Variants in YAP1 observed in about 807,000 individuals in gnomAD.
The protein encoded by YAP1 is transcriptional coactivator YAP1.
Under a neutral mutation model 56.9 loss-of-function variants are expected in YAP1, and 5 were observed. The ratio of observed to expected loss-of-function variants is 0.09; its 90% CI spans 0.05 to 0.18. The LOEUF is 0.18. YAP1 is among the 10% of genes least tolerant of loss of function. The pLI is 1.00. For missense variants in YAP1, 539 were observed against 651.8 expected (o/e 0.83, Z 1.88); for synonymous variants, 265 against 248.1 (o/e 1.07, Z -0.64).
At position 102,111,066 on chromosome 11, in the gene YAP1, T is replaced by C; in HGVS notation, c.218T>C (p.Met73Thr). The C allele has an allele frequency of 6.2e-7, 1 of 1,613,218 alleles. No homozygotes were observed. Among genetic ancestry groups the C allele is most frequent in the Non-Finnish European group, 8.5e-7 (1 of 1,179,756 alleles). ...CTGGAGGCGCTCTTCAACGCCGTCA[T>C]GAACCCCAAGACGGCCAACGTGCCC... ...TDLEALFNAV[M>T]NPKTANVPQT... The change falls in exon 1 of 9, where the codon ATG becomes ACG. Residue 73 changes from methionine to threonine, a missense_variant. Met to Thr is a moderately conservative substitution (Grantham distance 81). Coordinates refer to ENST00000282441, the MANE Select transcript of YAP1 (RefSeq NM_001130145.3).
chr11:102,164,827 A>G (rs957426881), intron 3 of YAP1, among the ~76,000 whole-genome samples: 1 of 152,108 alleles, frequency 6.6e-6, no homozygotes, highest in Admixed American at 6.5e-5. Context: ...GGTTCAAGTG[A>G]TTCTCTTGCC....
intron 2 of YAP1, among the ~76,000 whole-genome samples, chr11:102,156,247 A>T (rs1945937237): frequency 6.6e-6 from 1 of 152,194 alleles, no homozygotes; most frequent in Non-Finnish European, 1.5e-5. Context: ...AAGAGGTTGA[A>T]TTGCTATTTT....
At chr11:102,183,207 A>G (rs1245237318) in intron 3 of YAP1, among the ~76,000 whole-genome samples, 2 of 152,194 alleles carry the variant, frequency 1.3e-5, no homozygotes, top group African/African-American at 4.8e-5. Flanking sequence ...CAGGATGACT[A>G]AGAGTTTAGG....
In YAP1 at chr11:102,162,495, G is replaced by A. The variant is rs1376975019; in HGVS notation, c.612G>A (p.Lys204=). 1 of 1,614,192 alleles carries A rather than the reference G, an allele frequency of 6.2e-7. No homozygotes were observed. Residue 204 remains lysine, a synonymous_variant, in exon 3 of 9, where the codon AAG becomes AAA. Transcript: ENST00000282441. ...DQTTTWQDPR[K]AMLSQMNVTA... is the part of the protein sequence containing the mutation. ...CAACAACATGGCAGGACCCCAGGAA[G>A]GCCATGCTGTCCCAGATGAACGTCA...
chr11:102,138,429 G>T (rs938126161), intron 2 of YAP1, among the ~76,000 whole-genome samples: 1 of 152,082 alleles, frequency 6.6e-6, no homozygotes, highest in Non-Finnish European at 1.5e-5. Flanking sequence ...TTCTTTTCAC[G>T]TTTTCACCAT....
chr11:102,224,606 A>T (rs1414991195), intron 7 of YAP1, among the ~76,000 whole-genome samples: 1 of 152,232 alleles, frequency 6.6e-6, no homozygotes, highest in African/African-American at 2.4e-5. Context: ...TTGGAAACTT[A>T]GTAATTCCAA....
At chr11:102,170,441 G>T (rs1342505047) in intron 3 of YAP1, among the ~76,000 whole-genome samples, 3 of 151,990 alleles carry the variant, frequency 2.0e-5, no homozygotes, top group Admixed American at 6.6e-5. Flanking sequence ...ACTGTGTTTT[G>T]TATGCTTAGT....
rs34528413 is a variant in YAP1, at chr11:102,202,334, A to ATTTT, written c.803-3545_803-3542dup. 7.1e-4 allele frequency among the ~76,000 whole-genome samples: 93 copies of ATTTT among 130,986 alleles called. 1 individual carries two copies. Among genetic ancestry groups the ATTTT allele is most frequent in the Middle Eastern group, 8.0e-3 (2 of 250 alleles). The allele number at this position is 130,986 out of a possible 152,430, so 85.9% of individuals were successfully genotyped here. A position where few individuals can be genotyped will look rare whatever the true frequency, so the allele number is the denominator to read the frequency against. ...AGTCACCCGCCACCACACCTGGCTA[A>ATTTT]TTTTTTTTTTTTTTTTTGGTATTTT... On this transcript the variant is annotated intron_variant, in intron 4 of 8. Transcript: ENST00000282441.
intron 3 of YAP1, among the ~76,000 whole-genome samples, chr11:102,173,218 A>G (rs1483699844): frequency 6.6e-6 from 1 of 152,122 alleles, no homozygotes; most frequent in African/African-American, 2.4e-5. Context: ...GGCAATTACT[A>G]AGCCCTGGAA....
At chr11:102,219,156 T>A (rs1949799302) in intron 6 of YAP1, among the ~76,000 whole-genome samples, 1 of 152,232 alleles carries the variant, frequency 6.6e-6, no homozygotes, top group African/African-American at 2.4e-5. Context: ...CTCCCATGTT[T>A]GTCACAGAAC....
At chr11:102,162,387 C>A in intron 2 of YAP1, 69 bp from the exon 3 acceptor site, 5 of 1,353,488 alleles carry the variant, frequency 3.7e-6, no homozygotes, top group Non-Finnish European at 5.3e-6. Context: ...TGATTATGAG[C>A]CCACAAGATA....
chr11:102,133,245 T>G (rs1944472806), intron 2 of YAP1, among the ~76,000 whole-genome samples: 1 of 152,240 alleles, frequency 6.6e-6, no homozygotes, highest in Non-Finnish European at 1.5e-5. Context: ...TCGACAATTC[T>G]TACTAAGCTC....
intron 2 of YAP1, 116 bp downstream of exon 2, chr11:102,114,510 A>C: frequency 1.6e-6 from 2 of 1,277,656 alleles, no homozygotes; most frequent in Non-Finnish European, 2.1e-6. Context: ...TTTAATATTT[A>C]TGTTAAGCTC....
At chr11:102,127,224 A>G (rs1591151782) in intron 2 of YAP1, among the ~76,000 whole-genome samples, 1 of 152,192 alleles carries the variant, frequency 6.6e-6, no homozygotes, top group Non-Finnish European at 1.5e-5. Context: ...CCCCAAGACC[A>G]AGGGGAAGAT....
At chr11:102,223,529 CACGGTTACTCTG>C in intron 6 of YAP1, 81 bp from the exon 7 acceptor site, 1 of 1,361,034 alleles carries the variant, frequency 7.3e-7, no homozygotes, top group Admixed American at 2.4e-5. Context: ...AATCTATCTG[CACGGTTACTCTG>C]ATGAACGTTT....
intron 3 of YAP1, among the ~76,000 whole-genome samples, chr11:102,183,558 A>G (rs554077667): frequency 2.5e-4 from 38 of 152,308 alleles, no homozygotes; most frequent in Non-Finnish European, 5.3e-4. Context: ...GTTCTCTGAG[A>G]TGGACTGTGG....
At chr11:102,130,642 A>G (rs1468012259) in intron 2 of YAP1, among the ~76,000 whole-genome samples, 4 of 150,910 alleles carry the variant, frequency 2.7e-5, no homozygotes, top group African/African-American at 7.3e-5. Flanking sequence ...GACTCAAGCA[A>G]TCTGCTCACT....
intron 3 of YAP1, among the ~76,000 whole-genome samples, chr11:102,163,765 A>G (rs1176619574): frequency 6.6e-6 from 1 of 152,216 alleles, no homozygotes; most frequent in Non-Finnish European, 1.5e-5. Flanking sequence ...TTCCTTGACT[A>G]GGCGAATTCA....
intron 4 of YAP1, among the ~76,000 whole-genome samples, chr11:102,194,672 G>C (rs1325278551): frequency 6.6e-6 from 1 of 152,112 alleles, no homozygotes; most frequent in Non-Finnish European, 1.5e-5. Context: ...CTTGCACCTG[G>C]GTGGTCAAGG....
Sources: gnomAD v4.1 joint callset for allele counts (sites outside exome capture counted in the v4.1 genomes callset) on GRCh38, gnomAD v4.1.1 for gene constraint, MANE v1.5 for transcripts, NCBI Gene and HGNC (gene_info 2026-07-23, HGNC 2026-07-21) for gene names.